The following SUSD4 variants were observed in gnomAD, a reference collection of about 807,000 sequenced individuals.
The protein encoded by SUSD4 is sushi domain containing 4.
Under a neutral mutation model 50.5 loss-of-function variants are expected in SUSD4, and 41 were observed. The observed-to-expected ratio is 0.81, with a 90% CI of 0.63 to 1.05. The LOEUF (loss-of-function observed/expected upper bound fraction) is 1.05. SUSD4 is among the 50% of genes least tolerant of loss of function. The probability of loss-of-function intolerance (pLI) is 0.00; values close to 1 mark genes in which losing one functional copy is unlikely to be tolerated. For missense variants in SUSD4, 580 were observed against 634.7 expected (o/e 0.91, Z 0.93); for synonymous variants, 257 against 257.3 (o/e 1.00, Z 0.01).
At chr1:223,278,398 C>T (rs188325108) in intron 3 of SUSD4, among the ~76,000 whole-genome samples, 103 of 152,322 alleles carry the variant, frequency 6.8e-4, no homozygotes, top group Non-Finnish European at 1.1e-3. Flanking sequence ...TCTTAGCAAA[C>T]GGCACACCAG....
intron 5 of SUSD4, among the ~76,000 whole-genome samples, chr1:223,261,925 C>G (rs1259636679): frequency 6.6e-6 from 1 of 152,190 alleles, no homozygotes; most frequent in African/African-American, 2.4e-5. Flanking sequence ...CTCATCACCC[C>G]CATTTTACAG....
chr1:223,280,942 A>C (rs1206158958), intron 3 of SUSD4, among the ~76,000 whole-genome samples: 1 of 152,226 alleles, frequency 6.6e-6, no homozygotes, highest in South Asian at 2.1e-4. Context: ...CTCACTCAAC[A>C]CTGCTCAACT....
intron 2 of SUSD4, among the ~76,000 whole-genome samples, chr1:223,341,345 A>G (rs937672238): frequency 2.0e-5 from 3 of 152,212 alleles, no homozygotes; most frequent in African/African-American, 4.8e-5. Flanking sequence ...ACCAGAGCAT[A>G]GCGGACAGCT....
Position 223,229,280 on chromosome 1 carries a change from T to C in SUSD4, c.833A>G (p.Tyr278Cys). Residue 278 changes from tyrosine (Y) to cysteine (C), a missense_variant, in exon 6 of 9, where the codon TAC (tyrosine) becomes TGC (cysteine). Coordinates refer to ENST00000366878, the MANE Select transcript of SUSD4 (RefSeq NM_017982.4). This position sits in a 1 kb window ranked among gnomAD's most constrained non-coding sequence, Gnocchi z 4.7. The stretch of plus-strand genomic sequence containing the variant: ...GTACTTGTAGTCGCTGGTGAGGCTG[T>C]AGCCAGGATCGCAGTAAAACTCCAC... ...TVVEFYCDPG[Y>C]SLTSDYKYIT... The C allele has an allele frequency of 6.2e-7, 1 of 1,613,454 alleles. No individual in the cohort carries two copies. The highest frequency in any genetic ancestry group is 8.5e-7 in the Non-Finnish European group (1 of 1,179,450).
intron 2 of SUSD4, among the ~76,000 whole-genome samples, chr1:223,310,743 TA>T (rs997058343): frequency 6.6e-6 from 1 of 152,198 alleles, no homozygotes; most frequent in Non-Finnish European, 1.5e-5. Context: ...AAATGCTATT[TA>T]AAAAAATGAA....
chr1:223,226,451 C>T (rs1659521811), intron 7 of SUSD4, among the ~76,000 whole-genome samples: 1 of 152,154 alleles, frequency 6.6e-6, no homozygotes, highest in Non-Finnish European at 1.5e-5. Flanking sequence ...TCCCTGCTGC[C>T]AGGCAGGGGA....
intron 3 of SUSD4, among the ~76,000 whole-genome samples, chr1:223,290,308 C>T (rs1014244952): frequency 6.6e-6 from 1 of 152,160 alleles, no homozygotes; most frequent in South Asian, 2.1e-4. Flanking sequence ...ACTTCTAGGT[C>T]TCCCTCCAGC....
intron 2 of SUSD4, among the ~76,000 whole-genome samples, chr1:223,340,219 G>A (rs1467827318): frequency 2.0e-5 from 3 of 152,240 alleles, no homozygotes; most frequent in South Asian, 2.1e-4. Flanking sequence ...CTGAGAACTA[G>A]GGAGGCTCAT....
Position 223,363,363 on chromosome 1 carries a change from C to G in SUSD4, c.63G>C (p.Gln21His), listed in dbSNP as rs776973205. The change falls in exon 2 of 9, where the codon CAG becomes CAC. Residue 21 changes from glutamine (Q) to histidine (H), a missense_variant. Physicochemically the swap from Gln to His is conservative, Grantham distance 24. Coordinates refer to ENST00000366878, the MANE Select transcript of SUSD4 (RefSeq NM_017982.4). Reference protein sequence around the residue: ...DGFLEQQQQQQQPQSPQRLLA... With the variant: ...DGFLEQQQQQHQPQSPQRLLA... ...AGAGTCTCTGGGGGGACTGAGGTTG[C>G]TGCTGCTGCTGCTGCTGCTCTAGAA... is the stretch of plus-strand genomic sequence containing the variant. 1 of 1,562,254 alleles carries G rather than the reference C, an allele frequency of 6.4e-7. No individual in the cohort carries two copies. Among genetic ancestry groups the G allele is most frequent in the Non-Finnish European group, 8.6e-7 (1 of 1,162,426 alleles).
At chr1:223,304,067 A>G (rs1348951437) in intron 2 of SUSD4, among the ~76,000 whole-genome samples, 1 of 152,240 alleles carries the variant, frequency 6.6e-6, no homozygotes, top group Non-Finnish European at 1.5e-5. Flanking sequence ...AAAGAGGCCT[A>G]GAAGAGCCGT....
intron 2 of SUSD4, among the ~76,000 whole-genome samples, chr1:223,326,137 T>C (rs1666864158): frequency 6.6e-6 from 1 of 152,186 alleles, no homozygotes; most frequent in Non-Finnish European, 1.5e-5. Flanking sequence ...AGCATGGTAC[T>C]GGTATAAAAA....
chr1:223,364,878 C>G (rs1288715818), upstream of SUSD4, among the ~76,000 whole-genome samples: 1 of 152,160 alleles, frequency 6.6e-6, no homozygotes. This position sits in a 1 kb window ranked among gnomAD's most constrained non-coding sequence, Gnocchi z 4.5. Flanking sequence ...CTCTGCGCGT[C>G]CCCAGGGAGC....
chr1:223,307,311 G>C (rs1225709000), intron 2 of SUSD4, among the ~76,000 whole-genome samples: 1 of 152,156 alleles, frequency 6.6e-6, no homozygotes, highest in Non-Finnish European at 1.5e-5. Flanking sequence ...AACAGCTTTA[G>C]TGCAATACTA....
intron 2 of SUSD4, among the ~76,000 whole-genome samples, chr1:223,355,917 T>G (rs1668637770): frequency 6.6e-6 from 1 of 152,136 alleles, no homozygotes; most frequent in African/African-American, 2.4e-5. Context: ...TGTGCACTCT[T>G]GGGTACACAT....
chr1:223,223,739 C>G (rs1659300411), intron 7 of SUSD4, 108 bp from the exon 8 acceptor site: 3 of 1,328,294 alleles, frequency 2.3e-6, no homozygotes, highest in Non-Finnish European at 3.0e-6. Context: ...CGATGGGCAG[C>G]AGAGTCCCGT....
At chr1:223,333,043 G>A (rs1308532599) in intron 2 of SUSD4, among the ~76,000 whole-genome samples, 1 of 152,020 alleles carries the variant, frequency 6.6e-6, no homozygotes, top group Non-Finnish European at 1.5e-5. Context: ...GAACCTCTTG[G>A]CCAAACTCTT....
At chr1:223,222,583 C>T (rs190583306) in intron 8 of SUSD4, among the ~76,000 whole-genome samples, 111 of 152,312 alleles carry the variant, frequency 7.3e-4, no homozygotes, top group African/African-American at 2.6e-3. Flanking sequence ...TCTGTTTCCA[C>T]GTCATTACTG....
rs17163819 is a variant in SUSD4, at chr1:223,337,035, C to A, written c.148+26243G>T. ...AGTACTCTTCATACTTTGTCGTTAACTTGTTTTCTCCTACTGTACACTGGA... is the reference window on the plus strand; with the variant it reads ...AGTACTCTTCATACTTTGTCGTTAAATTGTTTTCTCCTACTGTACACTGGA... On this transcript the variant is annotated intron_variant, in intron 2 of 8. Coordinates refer to ENST00000366878, the MANE Select transcript of SUSD4 (RefSeq NM_017982.4). Among the ~76,000 whole-genome samples, 1,107 of 152,312 alleles carry A rather than the reference C, an allele frequency of 7.3e-3. 35 individuals carry two copies. The East Asian group carries it at 0.11, about 15-fold the overall frequency.
intron 5 of SUSD4, among the ~76,000 whole-genome samples, chr1:223,247,081 C>G (rs2103033948): frequency 6.6e-6 from 1 of 152,246 alleles, no homozygotes; most frequent in South Asian, 2.1e-4. Flanking sequence ...TTACTAGTTC[C>G]AAAGGTCCAT....
Sources: allele counts gnomAD v4.1 joint callset (sites outside exome capture counted in the v4.1 genomes callset), GRCh38; gene constraint gnomAD v4.1.1; non-coding constraint Gnocchi (gnomAD v3.1); transcripts MANE v1.5; gene names NCBI Gene and HGNC (gene_info 2026-07-23, HGNC 2026-07-21).